Variants in PIK3C2G observed in about 807,000 individuals in gnomAD.
PIK3C2G encodes phosphatidylinositol-4-phosphate 3-kinase catalytic subunit type 2 gamma.
In PIK3C2G, 168 loss-of-function variants were observed where a neutral mutation model predicts 181.1. The observed-to-expected ratio is 0.93, with a 90% CI of 0.82 to 1.05. PIK3C2G has a LOEUF of 1.05. Among genes scored for constraint, PIK3C2G ranks in the 50% least tolerant of loss-of-function variants. The pLI is 0.00. For missense variants in PIK3C2G, 1,869 were observed against 1,732.8 expected (o/e 1.08, Z -1.40); for synonymous variants, 573 against 592.2 (o/e 0.97, Z 0.47).
chr12:18,509,547 C>T (rs537764874), intron 24 of PIK3C2G, among the ~76,000 whole-genome samples: 11 of 152,294 alleles, frequency 7.2e-5, no homozygotes, highest in African/African-American at 2.6e-4. Flanking sequence ...AGACATTGAG[C>T]TCTCCTGGCT....
intron 16 of PIK3C2G, among the ~76,000 whole-genome samples, chr12:18,402,565 G>A (rs1279353881): frequency 6.6e-6 from 1 of 152,024 alleles, no homozygotes; most frequent in Non-Finnish European, 1.5e-5. Context: ...AATTGTGAAG[G>A]TAATATCTAT....
chr12:18,364,307 C>T (rs989091972), intron 12 of PIK3C2G, among the ~76,000 whole-genome samples: 1 of 152,178 alleles, frequency 6.6e-6, no homozygotes, highest in Non-Finnish European at 1.5e-5. Flanking sequence ...ATTCCACTTG[C>T]CCATCTGGGA....
chr12:18,722,666 T>A, the PIK3C2G span, among the ~76,000 whole-genome samples: 1 of 152,084 alleles, frequency 6.6e-6, no homozygotes, highest in South Asian at 2.1e-4. Flanking sequence ...TGAAAAACTG[T>A]GAAGTGTTTT....
At position 18,308,574 on chromosome 12, in the gene PIK3C2G, T is replaced by C. The variant is rs192471385; in HGVS notation, c.1035-5388T>C. Among the ~76,000 whole-genome samples the C allele has an allele frequency of 2.6e-5, 4 of 151,560 alleles. No individual in the cohort carries two copies. In the East Asian group the frequency reaches 7.8e-4, roughly 29 times the overall value. ...CTTGCTTGACTTGCTGTATTAACAC[T>C]CTTTATTTCCTTTACAAAACAGAAT... On this transcript the variant is annotated intron_variant, in intron 5 of 32. Coordinates refer to ENST00000538779, the MANE Select transcript of PIK3C2G (RefSeq NM_001288772.2).
At chr12:18,480,244 G>C (rs1428560618) in intron 18 of PIK3C2G, among the ~76,000 whole-genome samples, 1 of 152,102 alleles carries the variant, frequency 6.6e-6, no homozygotes, top group African/African-American at 2.4e-5. Flanking sequence ...GGAGTGTAGT[G>C]GGGGAGGGAG....
chr12:18,491,281 G>A (rs1438342807), intron 19 of PIK3C2G, among the ~76,000 whole-genome samples, 170 bp from the exon 20 acceptor site: 1 of 152,234 alleles, frequency 6.6e-6, no homozygotes, highest in Non-Finnish European at 1.5e-5. Context: ...ATTGTCTTTA[G>A]CCCACTGTCT....
At chr12:18,582,962 A>G (rs149172527) in intron 29 of PIK3C2G, among the ~76,000 whole-genome samples, 1,612 of 152,108 alleles carry the variant, frequency 0.011, 13 homozygotes, top group African/African-American at 0.024. Flanking sequence ...ACAGGCTGCC[A>G]TCTTTGCTCT....
intron 31 of PIK3C2G, among the ~76,000 whole-genome samples, chr12:18,628,015 C>A (rs10841049): frequency 0.47 from 71,583 of 151,968 alleles, 18,021 homozygotes; most frequent in East Asian, 0.79. Context: ...TTTTAAACCA[C>A]GTCTGTATCT....
At chr12:18,292,561 C>T (rs938796121) in intron 4 of PIK3C2G, among the ~76,000 whole-genome samples, 1 of 152,018 alleles carries the variant, frequency 6.6e-6, no homozygotes, top group East Asian at 1.9e-4. Context: ...TTGATCCAAT[C>T]AGAAAGACCA....
At chr12:18,610,136 C>G (rs1272759404) in intron 31 of PIK3C2G, among the ~76,000 whole-genome samples, 1 of 151,958 alleles carries the variant, frequency 6.6e-6, no homozygotes, top group African/African-American at 2.4e-5. Context: ...GTAACTGGGC[C>G]ATATCATTAA....
intron 8 of PIK3C2G, among the ~76,000 whole-genome samples, chr12:18,332,627 T>G (rs1164510536): frequency 1.3e-5 from 2 of 152,126 alleles, no homozygotes; most frequent in Admixed American, 6.6e-5. Flanking sequence ...GCTTCTACCC[T>G]TCCTTCAACA....
chr12:18,357,577 C>G (rs541577917), intron 11 of PIK3C2G, among the ~76,000 whole-genome samples: 3 of 152,086 alleles, frequency 2.0e-5, no homozygotes, highest in African/African-American at 7.2e-5. Context: ...AAATCTAGTG[C>G]TAAATAATTT....
At chr12:18,293,183 T>C (rs551049545) in intron 4 of PIK3C2G, among the ~76,000 whole-genome samples, 170 of 152,112 alleles carry the variant, frequency 1.1e-3, no homozygotes, top group Non-Finnish European at 1.5e-3. Flanking sequence ...GTTTGTCTAT[T>C]TTTTTATGAT....
At chr12:18,655,054 T>TA in the PIK3C2G span, among the ~76,000 whole-genome samples, 88,736 of 151,102 alleles carry the variant, frequency 0.59, 26,216 homozygotes, top group East Asian at 0.71. Flanking sequence ...GAAACAATAA[T>TA]AAAAAAAAAT....
chr12:18,610,249 A>G (rs1427117134), intron 31 of PIK3C2G, among the ~76,000 whole-genome samples: 2 of 152,034 alleles, frequency 1.3e-5, no homozygotes, highest in Non-Finnish European at 2.9e-5. Context: ...AACTATTTTA[A>G]TCTTCCTTGA....
At chr12:18,531,976 C>T (rs1239694727) in intron 24 of PIK3C2G, among the ~76,000 whole-genome samples, 1 of 152,124 alleles carries the variant, frequency 6.6e-6, no homozygotes. Context: ...AGTGACTATA[C>T]CACTTCACAT....
chr12:18,661,825 T>G, the PIK3C2G span, among the ~76,000 whole-genome samples: 8 of 152,006 alleles, frequency 5.3e-5, no homozygotes, highest in African/African-American at 1.9e-4. Context: ...TCTACCGTTG[T>G]AGAAATATTC....
chr12:18,579,651 G>A (rs181032848), intron 29 of PIK3C2G, among the ~76,000 whole-genome samples: 37 of 152,086 alleles, frequency 2.4e-4, no homozygotes, highest in Non-Finnish European at 4.0e-4. Context: ...AGACATCCTC[G>A]TTCCATATCC....
intron 6 of PIK3C2G, chr12:18,320,213 G>A (rs1335135007): frequency 2.6e-5 from 4 of 152,164 alleles, no homozygotes; most frequent in East Asian, 1.9e-4. Flanking sequence ...TAATGCCACC[G>A]TGTGGTGAAA....
Sources: gnomAD v4.1 joint callset for allele counts (sites outside exome capture counted in the v4.1 genomes callset) on GRCh38, gnomAD v4.1.1 for gene constraint, MANE v1.5 for transcripts, NCBI Gene and HGNC (gene_info 2026-07-23, HGNC 2026-07-21) for gene names.